Variants in CLN5 observed in about 807,000 individuals in gnomAD.
CLN5 encodes CLN5 lysosomal BMP synthase.
CLN5 carries 34 observed loss-of-function variants against 36.7 expected under a neutral mutation model. That is an observed-to-expected ratio of 0.93 (90% CI 0.71 to 1.23). The LOEUF (loss-of-function observed/expected upper bound fraction) is 1.23. CLN5 is among the 50% of genes most tolerant of loss of function. The pLI is 0.00. For missense variants in CLN5, 427 were observed against 439.4 expected (o/e 0.97, Z 0.25); for synonymous variants, 151 against 155.1 (o/e 0.97, Z 0.20).
In CLN5 at chr13:77,001,078, TA is replaced by T. The variant is rs1235165253; in HGVS notation, c.*113del. On this transcript the variant is annotated 3_prime_UTR_variant, in exon 4 of 4. Coordinates refer to ENST00000377453, the MANE Select transcript of CLN5 (RefSeq NM_006493.4). ...GCCTTTCTTCCTTGGTGCATAAAGT[TA>T]AAATGCACATCAGCAGAATTGCTGC... The T allele has an allele frequency of 2.1e-6, 2 of 936,526 alleles. No individual in the cohort carries two copies. The highest frequency in any genetic ancestry group is 3.3e-6 in the Non-Finnish European group (2 of 611,062). 58.0% of individuals were successfully genotyped at this position (936,526 alleles called of 1,614,324 possible).
In CLN5 at chr13:77,002,813, C is replaced by G. The variant is rs562691637; in HGVS notation, c.*1844C>G. The G allele has an allele frequency of 6.6e-6, 1 of 152,326 alleles. No homozygotes were observed. The highest frequency in any genetic ancestry group is 6.5e-5 in the Admixed American group (1 of 15,306). The allele number at this position is 152,326 out of a possible 1,614,324, so 9.4% of individuals were successfully genotyped here. A position where few individuals can be genotyped will look rare whatever the true frequency, so the allele number is the denominator to read the frequency against. On this transcript the variant is annotated 3_prime_UTR_variant, in exon 4 of 4. Transcript: ENST00000377453. ...GGCTAAACTCAGGCAACACGAACTT[C>G]TACCAAACTCAGGAAATTGCTCTGG...
intron 3 of CLN5, chr13:76,998,710 A>T (rs547731305): frequency 4.6e-5 from 7 of 152,378 alleles, no homozygotes; most frequent in African/African-American, 1.7e-4. Flanking sequence ...AAAGAGCTGG[A>T]TGTAGCAGAA....
rs2034359413 is a variant in CLN5 at position 77,001,313 on chromosome 13, T to A, written c.*344T>A. 1 of 167,770 alleles carries A rather than the reference T, an allele frequency of 6.0e-6. No individual in the cohort carries two copies. Among genetic ancestry groups the A allele is most frequent in the Admixed American group, 6.2e-5 (1 of 16,136 alleles). The allele number at this position is 167,770 out of a possible 1,614,324, so 10.4% of individuals were successfully genotyped here. A position where few individuals can be genotyped will look rare whatever the true frequency, so the allele number is the denominator to read the frequency against. ...CAGATTTTAAAAATACCTTCAAAAA[T>A]AAAAAATACATTCAGTGACATTTTC... On this transcript the variant is annotated 3_prime_UTR_variant, in exon 4 of 4. Coordinates refer to ENST00000377453, the MANE Select transcript of CLN5 (RefSeq NM_006493.4).
intron 1 of CLN5, 45 bp downstream of exon 1, chr13:76,992,316 G>T: frequency 6.8e-7 from 1 of 1,474,582 alleles, no homozygotes. Flanking sequence ...GGTCGGCGTT[G>T]ACGATGGGGG....
rs563306322 is a variant in CLN5 at position 76,992,129 on chromosome 13, G to T, written c.31G>T (p.Ala11Ser). The T allele has an allele frequency of 7.2e-5, 116 of 1,610,382 alleles. No homozygotes were observed. The South Asian group carries it at 1.1e-3, about 15-fold the overall frequency. The change falls in exon 1 of 4, where the codon GCC (alanine) becomes TCC (serine). Residue 11 changes from alanine to serine, a missense_variant. By Grantham distance (99) the Ala-to-Ser change is moderately conservative (BLOSUM62 1). Transcript: ENST00000377453. Reference protein sequence around the residue: MAQEVDTAQGAEMRRGAGAAR... With the variant: MAQEVDTAQGSEMRRGAGAAR... ...GCAGGAGGTAGACACGGCACAGGGC[G>T]CCGAGATGCGGCGGGGCGCGGGCGC...
chr13:76,996,486 A>C (rs2154034782), intron 3 of CLN5: 1 of 267,396 alleles, frequency 3.7e-6, no homozygotes, highest in African/African-American at 2.3e-5. Context: ...AAAGTTAATC[A>C]TTCTTATGCC....
At chr13:76,994,287 A>C (rs2034228661) in intron 1 of CLN5, 1 of 152,192 alleles carries the variant, frequency 6.6e-6, no homozygotes, top group Non-Finnish European at 1.5e-5. Context: ...TACCTACCGG[A>C]GACCAAATGT....
At chr13:76,993,078 T>C (rs762337833) in intron 1 of CLN5, 1 of 152,216 alleles carries the variant, frequency 6.6e-6, no homozygotes, top group African/African-American at 2.4e-5. Flanking sequence ...CTAGCATAAG[T>C]AATCAACAGC....
chr13:76,995,501 G>T, intron 2 of CLN5: 1 of 509,248 alleles, frequency 2.0e-6, no homozygotes. Flanking sequence ...CCCAGAAGTG[G>T]CAGGGCAGGC....
At chr13:76,992,306 G>A (rs1566217338) in intron 1 of CLN5, 35 bp downstream of exon 1, 3 of 1,523,836 alleles carry the variant, frequency 2.0e-6, no homozygotes, top group Non-Finnish European at 2.6e-6. Context: ...TCGGGGTTGG[G>A]GTCGGCGTTG....
Position 76,992,246 on chromosome 13 carries a change from C to T in CLN5, c.148C>T (p.Arg50Trp), listed in dbSNP as rs763892391. The T allele has an allele frequency of 1.5e-5, 23 of 1,584,060 alleles. No homozygotes were observed. The highest frequency in any genetic ancestry group is 2.0e-5 in the Non-Finnish European group (23 of 1,171,176). ...GWSRVSGIPS[R>W]RHWPVPYKRF... is the part of the protein sequence containing the mutation. The stretch of plus-strand genomic sequence containing the variant: ...GTCCCGGGTCTCGGGCATCCCCTCC[C>T]GGCGCCACTGGCCGGTGCCCTACAA... Residue 50 changes from arginine to tryptophan, a missense_variant, in exon 1 of 4, where the codon CGG (arginine) becomes TGG (tryptophan). By Grantham distance (101) the Arg-to-Trp change is moderately radical. Coordinates refer to ENST00000377453, the MANE Select transcript of CLN5 (RefSeq NM_006493.4).
At chr13:76,993,266 A>G (rs1228705453) in intron 1 of CLN5, 1 of 152,194 alleles carries the variant, frequency 6.6e-6, no homozygotes, top group Non-Finnish European at 1.5e-5. Context: ...TAGTGGTAGC[A>G]CGTACCTCAT....
chr13:77,000,909 T>A lies in CLN5; in HGVS notation c.1017T>A (p.Ile339=). 6.3e-7 allele frequency: 1 copy of A among 1,592,224 alleles called. No individual in the cohort carries two copies. The change falls in exon 4 of 4, where the codon ATT becomes ATA. Residue 339 remains isoleucine, a synonymous_variant. Coordinates refer to ENST00000377453, the MANE Select transcript of CLN5 (RefSeq NM_006493.4). ...YWFLPMKFPF[I]KITYEEIPLP... ...TTTTACCTATGAAATTCCCTTTTAT[T>A]AAAATAACATATGAAGAAATCCCTT...
At position 77,004,292 on chromosome 13, in the gene CLN5, G is replaced by A. The variant is rs1046637113; in HGVS notation, c.*3323G>A. ...AAATAGTTGGCAGGCTATACAAAGA[G>A]TGATGTTCCAAAACTACACACATGC... On this transcript the variant is annotated 3_prime_UTR_variant, in exon 4 of 4. Transcript: ENST00000377453. 6.6e-6 allele frequency: 1 copy of A among 152,218 alleles called. No individual in the cohort carries two copies. Among genetic ancestry groups the A allele is most frequent in the Non-Finnish European group, 1.5e-5 (1 of 68,036 alleles). 9.4% of individuals were successfully genotyped at this position (152,218 alleles called of 1,614,324 possible).
intron 1 of CLN5, chr13:76,994,097 A>G (rs2034225248): frequency 6.6e-6 from 1 of 152,156 alleles, no homozygotes; most frequent in South Asian, 2.1e-4. Context: ...TTCGTGAAAT[A>G]AGGTTTACTT....
intron 3 of CLN5, chr13:76,999,060 AAT>A (rs1165871054): frequency 6.6e-6 from 1 of 152,174 alleles, no homozygotes; most frequent in Non-Finnish European, 1.5e-5. Flanking sequence ...TGATTGACAA[AAT>A]AGTGTTTTGA....
intron 1 of CLN5, chr13:76,994,473 C>G (rs2034231233): frequency 1.3e-5 from 2 of 152,806 alleles, no homozygotes. Context: ...AGGACTCATT[C>G]CTTTAGTCTA....
intron 1 of CLN5, chr13:76,992,698 T>C: frequency 9.4e-6 from 2 of 212,388 alleles, no homozygotes; most frequent in Non-Finnish European, 1.9e-5. Context: ...ACCAACTCGC[T>C]CTGGTTTGAA....
At position 77,002,972 on chromosome 13, in the gene CLN5, TTTAAACAAGA is replaced by T. The variant is rs764188281; in HGVS notation, c.*2006_*2015del. On this transcript the variant is annotated 3_prime_UTR_variant, in exon 4 of 4. Transcript: ENST00000377453. ...AATGAGGATATCTGTACCTGGAACT[TTTAAACAAGA>T]TTCTAATAGTTATGTGAAAAAAGCA... The T allele has an allele frequency of 1.1e-4, 17 of 152,158 alleles. No individual in the cohort carries two copies. Among genetic ancestry groups the T allele is most frequent in the Non-Finnish European group, 2.1e-4 (14 of 68,026 alleles). 9.4% of individuals were successfully genotyped at this position (152,158 alleles called of 1,614,324 possible).
Sources: allele counts gnomAD v4.1 joint callset, GRCh38; gene constraint gnomAD v4.1.1; transcripts MANE v1.5; gene names NCBI Gene and HGNC (gene_info 2026-07-23, HGNC 2026-07-21).